Variants in MARCHF1 observed in about 807,000 individuals in gnomAD.
The protein encoded by MARCHF1 is membrane associated ring-CH-type finger 1.
Under a neutral mutation model 54.2 loss-of-function variants are expected in MARCHF1, and 40 were observed. The observed-to-expected ratio is 0.74, with a 90% CI of 0.57 to 0.96. MARCHF1 has a LOEUF of 0.96. Ranked by LOEUF, MARCHF1 falls within the 40% of genes least tolerant of loss-of-function variation. MARCHF1 has a pLI of 0.00. For missense variants in MARCHF1, 586 were observed against 656.5 expected, an observed-to-expected ratio of 0.89 and a Z score of 1.17; for synonymous variants, 236 against 236.3, an observed-to-expected ratio of 1.00 and a Z score of 0.01.
chr4:164,362,389 T>A (rs1730746451), intron 1 of MARCHF1, among the ~76,000 whole-genome samples: 2 of 152,162 alleles, frequency 1.3e-5, no homozygotes. Context: ...TCATTTTTAT[T>A]AGTGAAAATG....
chr4:163,554,834 A>G (rs1560938994), intron 8 of MARCHF1, among the ~76,000 whole-genome samples: 1 of 152,214 alleles, frequency 6.6e-6, no homozygotes, highest in African/African-American at 2.4e-5. Context: ...CTAAATGATG[A>G]TTAAGAATTT....
intron 3 of MARCHF1, among the ~76,000 whole-genome samples, chr4:163,884,135 C>T (rs1450195329): frequency 2.0e-5 from 3 of 152,096 alleles, no homozygotes; most frequent in Non-Finnish European, 4.4e-5. Flanking sequence ...GGTGCTCAAA[C>T]CATCAGTGGC....
chr4:164,287,513 A>T (rs1413840551), intron 1 of MARCHF1, among the ~76,000 whole-genome samples: 1 of 152,178 alleles, frequency 6.6e-6, no homozygotes, highest in Non-Finnish European at 1.5e-5. Flanking sequence ...CACTAAGCTG[A>T]ATTTTTTAAA....
intron 3 of MARCHF1, among the ~76,000 whole-genome samples, chr4:163,976,744 G>T (rs1752656416): frequency 6.6e-6 from 1 of 152,136 alleles, no homozygotes; most frequent in Admixed American, 6.6e-5. Context: ...CAAAATCACG[G>T]GAGTAGGTCA....
chr4:163,848,343 CT>C (rs1279486181), intron 4 of MARCHF1, among the ~76,000 whole-genome samples: 1 of 152,036 alleles, frequency 6.6e-6, no homozygotes, highest in Non-Finnish European at 1.5e-5. Flanking sequence ...TAGAGTGACA[CT>C]TTGTTCTTTT....
intron 4 of MARCHF1, among the ~76,000 whole-genome samples, chr4:163,733,201 A>ACACATGTATATATATATATATACACATG (rs1193985457): frequency 2.9e-5 from 1 of 34,264 alleles, no homozygotes; most frequent in African/African-American, 8.9e-5. Flanking sequence ...ATATATATAT[A>ACACATGTATATATATATATATACACATG]TATATATATA....
intron 1 of MARCHF1, chr4:164,383,272 G>A (rs1731428396): frequency 6.6e-6 from 1 of 152,326 alleles, no homozygotes; most frequent in South Asian, 2.1e-4. Context: ...TCTCGCCCAG[G>A]AGGGCGGTTG....
chr4:163,696,052 C>T (rs534572248), intron 5 of MARCHF1, among the ~76,000 whole-genome samples: 16 of 151,946 alleles, frequency 1.1e-4, no homozygotes, highest in East Asian at 5.8e-4. Flanking sequence ...TCAACTGTAA[C>T]GTATCCAAGG....
intron 3 of MARCHF1, among the ~76,000 whole-genome samples, chr4:163,860,468 T>C (rs1749898361): frequency 6.6e-6 from 1 of 152,096 alleles, no homozygotes; most frequent in Admixed American, 6.6e-5. Flanking sequence ...CAAGGGAAAA[T>C]ATCTTGCAGA....
At chr4:164,310,628 GAAT>G (rs142349514) in intron 1 of MARCHF1, among the ~76,000 whole-genome samples, 74 of 138,252 alleles carry the variant, frequency 5.4e-4, no homozygotes, top group Middle Eastern at 3.6e-3. Flanking sequence ...TTCTAGTAGT[GAAT>G]AATAATATTT....
intron 2 of MARCHF1, among the ~76,000 whole-genome samples, chr4:164,072,313 C>T (rs367900751): frequency 5.9e-5 from 9 of 152,236 alleles, no homozygotes; most frequent in Admixed American, 3.3e-4. Flanking sequence ...AGACTAGGTG[C>T]GATGGCTCAT....
chr4:163,982,187 T>G (rs1752776825), intron 3 of MARCHF1, among the ~76,000 whole-genome samples: 1 of 152,240 alleles, frequency 6.6e-6, no homozygotes, highest in South Asian at 2.1e-4. Flanking sequence ...TCAGTGGAAT[T>G]CACTCTAAGC....
chr4:163,786,235 ACT>A (rs1046716304), intron 4 of MARCHF1, among the ~76,000 whole-genome samples: 1 of 151,964 alleles, frequency 6.6e-6, no homozygotes, highest in African/African-American at 2.4e-5. Context: ...TAATGCATTC[ACT>A]CTATGACTCT....
At chr4:163,951,232 C>T (rs1344071417) in intron 3 of MARCHF1, among the ~76,000 whole-genome samples, 1 of 152,178 alleles carries the variant, frequency 6.6e-6, no homozygotes, top group Non-Finnish European at 1.5e-5. Flanking sequence ...ATATCTGTAA[C>T]TTTATCTTTA....
chr4:163,953,391 C>G (rs1302176626), intron 3 of MARCHF1, among the ~76,000 whole-genome samples: 1 of 152,028 alleles, frequency 6.6e-6, no homozygotes, highest in Non-Finnish European at 1.5e-5. Flanking sequence ...TGTCATCAAG[C>G]CATTCATGGG....
chr4:163,737,411 C>A (rs1470508486), intron 4 of MARCHF1, among the ~76,000 whole-genome samples: 15 of 60,468 alleles, frequency 2.5e-4, no homozygotes, highest in African/African-American at 7.1e-4. Context: ...ATTCCCCTTC[C>A]TGTGTCCATG....
chr4:164,212,894 A>G (rs1288819701), intron 1 of MARCHF1, among the ~76,000 whole-genome samples: 2 of 152,222 alleles, frequency 1.3e-5, no homozygotes, highest in Non-Finnish European at 2.9e-5. Context: ...GTTATGAGTC[A>G]GACTTTGAAA....
At chr4:163,779,581 GA>G (rs1250232753) in intron 4 of MARCHF1, among the ~76,000 whole-genome samples, 1 of 151,904 alleles carries the variant, frequency 6.6e-6, no homozygotes, top group Non-Finnish European at 1.5e-5. Context: ...AATGAGAAAG[GA>G]AAAAGACATT....
At chr4:164,088,819 T>C (rs371414380) in intron 2 of MARCHF1, among the ~76,000 whole-genome samples, 162 of 152,250 alleles carry the variant, frequency 1.1e-3, no homozygotes, top group African/African-American at 3.7e-3. Flanking sequence ...AAGATAATCA[T>C]AAAACCAGAA....
Sources: gnomAD v4.1 joint callset for allele counts (sites outside exome capture counted in the v4.1 genomes callset) on GRCh38, gnomAD v4.1.1 for gene constraint, MANE v1.5 for transcripts, NCBI Gene and HGNC (gene_info 2026-07-23, HGNC 2026-07-21) for gene names.